MACROD2: variants seen among roughly 807,000 people sequenced by gnomAD.
MACROD2 encodes mono-ADP ribosylhydrolase 2.
Under a neutral mutation model 70.4 loss-of-function variants are expected in MACROD2, and 36 were observed. That is an observed-to-expected ratio of 0.51 (90% CI 0.39 to 0.68). MACROD2 has a LOEUF of 0.68. Among genes scored for constraint, MACROD2 ranks in the 30% least tolerant of loss-of-function variants. The pLI, the probability that MACROD2 is intolerant of heterozygous loss-of-function variation, is 0.00. For synonymous variants in MACROD2, 172 were observed against 178.8 expected, an observed-to-expected ratio of 0.96 and a Z score of 0.30; for missense variants, 496 against 538.4, an observed-to-expected ratio of 0.92 and a Z score of 0.78.
chr20:15,005,726 A>G (rs2075030537), intron 5 of MACROD2, among the ~76,000 whole-genome samples: 1 of 152,106 alleles, frequency 6.6e-6, no homozygotes, highest in South Asian at 2.1e-4. Context: ...ACTGAGAGTC[A>G]TCCAAGCTCT....
chr20:15,151,074 A>G lies in MACROD2; in HGVS notation c.419-78866A>G, dbSNP rs1313093479. On this transcript the variant is annotated intron_variant, in intron 5 of 17. Coordinates refer to ENST00000684519, the MANE Select transcript of MACROD2 (RefSeq NM_001351661.2). ...GATGGTCTACAGGGCTTCCGAGGCGATCAGGCAGTGTCAGTCTTCAGCTGC... is the reference window on the plus strand; with the variant it reads ...GATGGTCTACAGGGCTTCCGAGGCGGTCAGGCAGTGTCAGTCTTCAGCTGC... 1.3e-5 allele frequency among the ~76,000 whole-genome samples: 2 copies of G among 151,996 alleles called. 1 individual carries two copies. Among genetic ancestry groups the G allele is most frequent in the African/African-American group, 4.8e-5 (2 of 41,304 alleles).
intron 8 of MACROD2, among the ~76,000 whole-genome samples, chr20:15,658,144 TAAA>T (rs1339081481): frequency 6.7e-6 from 1 of 149,002 alleles, no homozygotes; most frequent in Non-Finnish European, 1.5e-5. Flanking sequence ...CATTAATAAT[TAAA>T]AACAGTAAAA....
intron 8 of MACROD2, among the ~76,000 whole-genome samples, chr20:15,536,168 G>A (rs1427106926): frequency 6.6e-6 from 1 of 152,146 alleles, no homozygotes; most frequent in African/African-American, 2.4e-5. Context: ...GCCTCAGCAA[G>A]CACACACATT....
intron 6 of MACROD2, among the ~76,000 whole-genome samples, chr20:15,241,557 C>G (rs1359814380): frequency 2.6e-5 from 4 of 152,030 alleles, no homozygotes; most frequent in African/African-American, 7.2e-5. Flanking sequence ...TACATCCATA[C>G]AAACAGACAA....
Position 15,175,456 on chromosome 20 carries a change from A to G in MACROD2, c.419-54484A>G, listed in dbSNP as rs2076453880. Among the ~76,000 whole-genome samples the G allele has an allele frequency of 2.6e-5, 4 of 152,084 alleles. No homozygotes were observed. In the South Asian group the frequency reaches 6.2e-4, roughly 24 times the overall value. On this transcript the variant is annotated intron_variant, in intron 5 of 17. Transcript: ENST00000684519. ...TAATAAAAATAAAATTTAAAAAAAG[A>G]TATGCATGGCAAACTTTTACAATGA... is the stretch of plus-strand genomic sequence containing the variant.
At chr20:16,027,246 C>A (rs2067093443) in intron 15 of MACROD2, among the ~76,000 whole-genome samples, 1 of 131,430 alleles carries the variant, frequency 7.6e-6, no homozygotes, top group East Asian at 2.3e-4. Flanking sequence ...CCTCAGACAG[C>A]CTTCCTCTAA....
At chr20:14,740,751 A>AT (rs2071723147) in intron 5 of MACROD2, among the ~76,000 whole-genome samples, 1 of 152,164 alleles carries the variant, frequency 6.6e-6, no homozygotes, top group South Asian at 2.1e-4. Context: ...TAAATGAAAG[A>AT]TTAAAAAAAA....
chr20:15,536,220 TGTTGATAAAGACATGTCACCCCTG>T (rs1166344436), intron 8 of MACROD2, among the ~76,000 whole-genome samples: 5 of 152,218 alleles, frequency 3.3e-5, no homozygotes, highest in African/African-American at 1.2e-4. Flanking sequence ...AGCTGGCAGT[TGTTGATAAAGACATGTCACCCCTG>T]GTTTTGTTCT....
chr20:15,192,082 A>T (rs1329345616), intron 5 of MACROD2, among the ~76,000 whole-genome samples: 1 of 150,872 alleles, frequency 6.6e-6, no homozygotes, highest in East Asian at 1.9e-4. Context: ...CTCTCTCTCC[A>T]TATATATTAG....
intron 2 of MACROD2, among the ~76,000 whole-genome samples, chr20:14,022,513 T>G (rs1397899523): frequency 6.6e-6 from 1 of 151,722 alleles, no homozygotes; most frequent in Non-Finnish European, 1.5e-5. Context: ...GTTACAGAGG[T>G]ATACATGTGC....
rs1680130942 is a variant in MACROD2, at chr20:16,051,210, T to C, written c.*1334T>C. ...TGTTGCATATCTTCTTAAATCCATC[T>C]TCCTTGTAAGGGCTTTAGAACTAAA... is the stretch of plus-strand genomic sequence containing the variant. On this transcript the variant is annotated 3_prime_UTR_variant, in exon 18 of 18. Transcript: ENST00000684519. The C allele has an allele frequency of 6.6e-6, 1 of 152,236 alleles. No homozygotes were observed. Among genetic ancestry groups the C allele is most frequent in the South Asian group, 2.1e-4 (1 of 4,830 alleles). 9.4% of individuals were successfully genotyped at this position (152,236 alleles called of 1,614,324 possible). A position where few individuals can be genotyped will look rare whatever the true frequency, so the allele number is the denominator to read the frequency against.
At chr20:15,873,181 C>T (rs73898565) in intron 9 of MACROD2, among the ~76,000 whole-genome samples, 2 of 152,064 alleles carry the variant, frequency 1.3e-5, no homozygotes, top group Non-Finnish European at 2.9e-5. Context: ...TCAAATTGTG[C>T]ACTGTGTTTG....
intron 8 of MACROD2, among the ~76,000 whole-genome samples, chr20:15,785,268 C>T (rs1384167788): frequency 6.6e-6 from 1 of 151,896 alleles, no homozygotes; most frequent in Non-Finnish European, 1.5e-5. Flanking sequence ...AAGTTCCAAG[C>T]AAAACAAAAC....
At chr20:15,150,791 G>T (rs1196129741) in intron 5 of MACROD2, among the ~76,000 whole-genome samples, 1 of 152,010 alleles carries the variant, frequency 6.6e-6, no homozygotes, top group Non-Finnish European at 1.5e-5. Context: ...TAGTTAAAGT[G>T]TCTCGGCCTA....
At chr20:16,011,779 T>C (rs2066866619) in intron 15 of MACROD2, among the ~76,000 whole-genome samples, 1 of 152,228 alleles carries the variant, frequency 6.6e-6, no homozygotes, top group Non-Finnish European at 1.5e-5. Flanking sequence ...GGGAGCTGCC[T>C]GTCAGGGGCT....
chr20:15,368,528 C>G (rs2045444934), intron 6 of MACROD2, among the ~76,000 whole-genome samples: 1 of 146,346 alleles, frequency 6.8e-6, no homozygotes, highest in Non-Finnish European at 1.5e-5. Flanking sequence ...GTGGCATGAT[C>G]TTGGCTCAGT....
At chr20:15,387,132 A>C (rs1330961293) in intron 6 of MACROD2, among the ~76,000 whole-genome samples, 4 of 152,210 alleles carry the variant, frequency 2.6e-5, no homozygotes, top group Admixed American at 2.6e-4. Flanking sequence ...GGCAGAAATA[A>C]TACAGTTAGA....
At chr20:15,013,258 G>A (rs564940897) in intron 5 of MACROD2, among the ~76,000 whole-genome samples, 119 of 152,260 alleles carry the variant, frequency 7.8e-4, no homozygotes, top group African/African-American at 2.7e-3. Flanking sequence ...CTAGCTTTGA[G>A]AATGAGGGAG....
intron 5 of MACROD2, among the ~76,000 whole-genome samples, chr20:15,168,499 A>G (rs933862898): frequency 6.9e-6 from 1 of 143,948 alleles, no homozygotes; most frequent in African/African-American, 2.6e-5. Context: ...GTTGACATGA[A>G]TTATTTCCAT....
Sources: gnomAD v4.1 joint callset for allele counts (sites outside exome capture counted in the v4.1 genomes callset) on GRCh38, gnomAD v4.1.1 for gene constraint, MANE v1.5 for transcripts, NCBI Gene and HGNC (gene_info 2026-07-23, HGNC 2026-07-21) for gene names.